The following DSE variants were observed in gnomAD, a reference collection of about 807,000 sequenced individuals.
DSE encodes the protein dermatan sulfate epimerase.
DSE carries 36 observed loss-of-function variants against 84.4 expected under a neutral mutation model. The observed-to-expected ratio is 0.43, with a 90% CI of 0.33 to 0.56. DSE has a LOEUF of 0.56. Among genes scored for constraint, DSE ranks in the 20% least tolerant of loss-of-function variants. The pLI, the probability that DSE is intolerant of heterozygous loss-of-function variation, is 0.06. For missense variants in DSE, 862 were observed against 1,169.6 expected (o/e 0.74, Z 3.84); for synonymous variants, 410 against 430.1 (o/e 0.95, Z 0.58).
chr6:116,286,210 G>C (rs1284469801), intron 2 of DSE, among the ~76,000 whole-genome samples: 1 of 152,124 alleles, frequency 6.6e-6, no homozygotes, highest in Non-Finnish European at 1.5e-5. Context: ...GCAGTGGTTT[G>C]TAGTTCTCCT....
intron 2 of DSE, among the ~76,000 whole-genome samples, chr6:116,363,712 A>G (rs773406681): frequency 2.6e-5 from 4 of 152,220 alleles, no homozygotes; most frequent in African/African-American, 4.8e-5. Flanking sequence ...GAGAAATTAC[A>G]TCATAAGTAA....
intron 1 of DSE, among the ~76,000 whole-genome samples, chr6:116,397,603 C>G (rs1249285343): frequency 6.6e-6 from 1 of 152,202 alleles, no homozygotes; most frequent in Admixed American, 6.5e-5. Flanking sequence ...AGAGACCACA[C>G]CCCTCCTCAG....
At chr6:116,264,014 A>G (rs1335885286) in intron 2 of DSE, among the ~76,000 whole-genome samples, 2 of 152,106 alleles carry the variant, frequency 1.3e-5, no homozygotes, top group Non-Finnish European at 2.9e-5. Flanking sequence ...CTTTCTCTCT[A>G]GCCACCTTTG....
chr6:116,371,668 C>G (rs1246382846), intron 1 of DSE, among the ~76,000 whole-genome samples: 2 of 152,214 alleles, frequency 1.3e-5, no homozygotes, highest in Non-Finnish European at 1.5e-5. Context: ...CTCTCCCAGA[C>G]GCTGGATTCC....
Position 116,360,677 on chromosome 6 carries a change from T to C in DSE, c.-53-38521T>C, listed in dbSNP as rs116515343. Among the ~76,000 whole-genome samples, 394 of 152,302 alleles carry C rather than the reference T, an allele frequency of 2.6e-3. 2 individuals are homozygous for C. The highest frequency in any genetic ancestry group is 9.2e-3 in the African/African-American group (383 of 41,566). On this transcript the variant is annotated intron_variant, in intron 2 of 3. Transcript: ENST00000430252. ...TGGCCGCATCATAATTCTAATAAAGTCAGATGCTCAAATACCACTTTTAAT... is the reference window on the plus strand; with the variant it reads ...TGGCCGCATCATAATTCTAATAAAGCCAGATGCTCAAATACCACTTTTAAT...
intron 2 of DSE, among the ~76,000 whole-genome samples, chr6:116,289,724 G>T (rs919727321): frequency 6.6e-6 from 1 of 151,876 alleles, no homozygotes; most frequent in African/African-American, 2.4e-5. Context: ...CATACAAATT[G>T]ATTCAATATG....
chr6:116,368,370 G>A (rs1201667443), upstream of DSE, among the ~76,000 whole-genome samples: 1 of 152,150 alleles, frequency 6.6e-6, no homozygotes, highest in East Asian at 1.9e-4. Flanking sequence ...TTAAATGATG[G>A]CATGGCATAC....
chr6:116,370,389 G>C, upstream of DSE: 38 of 745,956 alleles, frequency 5.1e-5, no homozygotes, highest in Middle Eastern at 7.1e-4. Context: ...CCGCCCCAAA[G>C]TCCCCCCTCC....
chr6:116,312,854 T>C (rs1202104260), intron 2 of DSE, among the ~76,000 whole-genome samples: 1 of 152,118 alleles, frequency 6.6e-6, no homozygotes, highest in African/African-American at 2.4e-5. Flanking sequence ...AGTCCCTGCC[T>C]TACATTTACA....
At chr6:116,393,600 G>A (rs1401137253) in intron 1 of DSE, among the ~76,000 whole-genome samples, 3 of 152,192 alleles carry the variant, frequency 2.0e-5, no homozygotes, top group Non-Finnish European at 4.4e-5. Context: ...TCATTTTGTG[G>A]ATGACAGAAG....
At chr6:116,264,622 C>T (rs971399485) in intron 2 of DSE, among the ~76,000 whole-genome samples, 2 of 152,134 alleles carry the variant, frequency 1.3e-5, no homozygotes, top group Non-Finnish European at 2.9e-5. Context: ...GATGTGAGCC[C>T]ATCCTTTGGA....
At chr6:116,328,593 GC>G (rs1405050579) in intron 2 of DSE, among the ~76,000 whole-genome samples, 2 of 152,128 alleles carry the variant, frequency 1.3e-5, no homozygotes, top group Non-Finnish European at 2.9e-5. Context: ...GTACTCCACT[GC>G]CAGTATCAGC....
intron 2 of DSE, among the ~76,000 whole-genome samples, chr6:116,323,033 T>C (rs1200573207): frequency 6.6e-6 from 1 of 152,190 alleles, no homozygotes; most frequent in Non-Finnish European, 1.5e-5. Flanking sequence ...AAAAGAGAGC[T>C]GATAGTGGTT....
intron 2 of DSE, among the ~76,000 whole-genome samples, chr6:116,418,198 C>G (rs558934187): frequency 3.3e-5 from 5 of 152,116 alleles, no homozygotes; most frequent in Admixed American, 6.5e-5. Flanking sequence ...TTCTGGAAGC[C>G]TTGAGTTTCT....
intron 5 of DSE, among the ~76,000 whole-genome samples, chr6:116,435,365 C>G (rs114304329): frequency 1.3e-5 from 2 of 152,156 alleles, no homozygotes. Flanking sequence ...CGGGCCCAAA[C>G]CCAAGGATCA....
At chr6:116,276,031 T>C (rs1773126711) in intron 2 of DSE, among the ~76,000 whole-genome samples, 1 of 152,210 alleles carries the variant, frequency 6.6e-6, no homozygotes. Flanking sequence ...ACTCTTTTTC[T>C]CTATTTGTGG....
At chr6:116,259,143 T>C (rs1772292842) in intron 2 of DSE, 1 of 1,139,312 alleles carries the variant, frequency 8.8e-7, no homozygotes. Context: ...AGTGTCTCTG[T>C]TGCTCGACGT....
intron 2 of DSE, among the ~76,000 whole-genome samples, chr6:116,295,764 A>G (rs752469204): frequency 2.0e-5 from 3 of 152,162 alleles, no homozygotes; most frequent in Non-Finnish European, 4.4e-5. Flanking sequence ...GCAAGATGTC[A>G]TTTTATTTCC....
chr6:116,310,919 G>T (rs1775658747), intron 2 of DSE, among the ~76,000 whole-genome samples: 1 of 152,172 alleles, frequency 6.6e-6, no homozygotes, highest in African/African-American at 2.4e-5. Flanking sequence ...GGGTCTCTGG[G>T]CCCTGCCTTG....
Sources: gnomAD v4.1 joint callset for allele counts (sites outside exome capture counted in the v4.1 genomes callset) on GRCh38, gnomAD v4.1.1 for gene constraint, MANE v1.5 for transcripts, NCBI Gene and HGNC (gene_info 2026-07-23, HGNC 2026-07-21) for gene names.